Variants in DENND1A observed in about 807,000 individuals in gnomAD.
DENND1A encodes the protein DENN domain-containing protein 1A.
Under a neutral mutation model 113.7 loss-of-function variants are expected in DENND1A, and 51 were observed. That is an observed-to-expected ratio of 0.45 (90% CI 0.36 to 0.57). DENND1A has a LOEUF of 0.57. Ranked by LOEUF, DENND1A falls within the 20% of genes least tolerant of loss-of-function variation. The pLI is 0.00. For synonymous variants in DENND1A, 565 were observed against 570.8 expected, an observed-to-expected ratio of 0.99 and a Z score of 0.14; for missense variants, 1,258 against 1,395.9, an observed-to-expected ratio of 0.90 and a Z score of 1.57.
rs2062686734 is a variant in DENND1A at position 123,652,002 on chromosome 9, T to C, written c.618+11A>G. 5 of 1,611,418 alleles carry C rather than the reference T, an allele frequency of 3.1e-6. No homozygotes were observed. The African/African-American group carries it at 4.0e-5, about 13-fold the overall frequency. On this transcript the variant is annotated intron_variant, in intron 9 of 23. Coordinates refer to ENST00000394215, the MANE Select transcript of DENND1A (RefSeq NM_001352964.2). ...ATCATTAAAAAGCCAGTCTTAAGAC[T>C]GTCTACTCACAGTGCTGAGTTTGCT...
At chr9:123,823,567 A>T (rs915186460) in intron 2 of DENND1A, among the ~76,000 whole-genome samples, 1 of 152,206 alleles carries the variant, frequency 6.6e-6, no homozygotes, top group African/African-American at 2.4e-5. Context: ...GCCCCTGAGA[A>T]GCTTTAAGCA....
chr9:123,400,134 G>T (rs748121770), intron 21 of DENND1A: 1 of 152,216 alleles, frequency 6.6e-6, no homozygotes, highest in Non-Finnish European at 1.5e-5. Flanking sequence ...TATTAACCAA[G>T]TAATGTTACC....
rs986149309 is a variant in DENND1A, at chr9:123,380,795, A to C, written c.*637T>G. ...GCTGTGTATCACAAGGCAGCCCAAG[A>C]CCCCCTGGTCCCCAGATCCTCCCAG... On this transcript the variant is annotated 3_prime_UTR_variant, in exon 24 of 24. Transcript: ENST00000394215. The C allele has an allele frequency of 2.0e-5, 3 of 152,568 alleles. No homozygotes were observed. Among genetic ancestry groups the C allele is most frequent in the Non-Finnish European group, 4.4e-5 (3 of 68,160 alleles). 9.5% of individuals were successfully genotyped at this position (152,568 alleles called of 1,614,324 possible).
intron 13 of DENND1A, among the ~76,000 whole-genome samples, chr9:123,494,606 T>C (rs1168983511): frequency 2.0e-5 from 3 of 152,130 alleles, no homozygotes; most frequent in Non-Finnish European, 2.9e-5. Context: ...CTCAGATGGA[T>C]CTTTAAGCCA....
intron 2 of DENND1A, among the ~76,000 whole-genome samples, chr9:123,839,441 A>T (rs1484864680): frequency 1.3e-5 from 2 of 152,214 alleles, no homozygotes; most frequent in East Asian, 3.8e-4. Flanking sequence ...GGATTCAATT[A>T]AACACATTTA....
At chr9:123,424,606 G>A (rs1373447745) in intron 19 of DENND1A, among the ~76,000 whole-genome samples, 2 of 152,160 alleles carry the variant, frequency 1.3e-5, no homozygotes. Context: ...ACCCTCGTTG[G>A]CTCCTAGGCA....
intron 19 of DENND1A, among the ~76,000 whole-genome samples, chr9:123,421,192 TC>T (rs1339078225): frequency 1.3e-5 from 2 of 150,898 alleles, no homozygotes; most frequent in Non-Finnish European, 3.0e-5. Context: ...GCTACTATTT[TC>T]TGACACTTGC....
At chr9:123,905,294 T>A (rs998726737) in intron 1 of DENND1A, among the ~76,000 whole-genome samples, 2 of 150,718 alleles carry the variant, frequency 1.3e-5, no homozygotes, top group African/African-American at 4.9e-5. Flanking sequence ...AGAAACTGCA[T>A]CAACTAATGA....
intron 1 of DENND1A, 41 bp downstream of exon 1, chr9:123,929,848 C>A: frequency 4.1e-6 from 1 of 243,162 alleles, no homozygotes; most frequent in South Asian, 1.2e-4. Flanking sequence ...GCCTCGCCGC[C>A]CCGCGCCCGG....
chr9:123,607,514 CACACACAG>C (rs60566309), intron 11 of DENND1A, among the ~76,000 whole-genome samples: 3,829 of 92,140 alleles, frequency 0.042, 68 homozygotes, highest in African/African-American at 0.072. Context: ...CACACACACA[CACACACAG>C]AGAGAGAGAG....
rs746390585 is a variant in DENND1A at position 123,381,484 on chromosome 9, GGGGCCA to G, written c.3155_3160del (p.Leu1052_Ala1053del). ...GAGCTGCTCCACCGAGTCTGGGGCC[GGGGCCA>G]GGGCCGGACTCGGGCTCACGTCTTG... On this transcript the variant is annotated inframe_deletion, in exon 24 of 24. Transcript: ENST00000394215. This position sits in a 1 kb window ranked among gnomAD's most constrained non-coding sequence, Gnocchi z 4.7. 1.5e-5 allele frequency: 25 copies of G among 1,613,520 alleles called. No homozygotes were observed. The Admixed American group carries it at 3.0e-4, about 19-fold the overall frequency.
intron 11 of DENND1A, among the ~76,000 whole-genome samples, chr9:123,602,078 A>G (rs529106035): frequency 6.6e-6 from 1 of 152,318 alleles, no homozygotes; most frequent in East Asian, 1.9e-4. Flanking sequence ...CTGGGTACAA[A>G]TTACAGTCGT....
At chr9:123,584,286 G>A (rs908784197) in intron 11 of DENND1A, among the ~76,000 whole-genome samples, 1 of 152,260 alleles carries the variant, frequency 6.6e-6, no homozygotes, top group African/African-American at 2.4e-5. Flanking sequence ...ACAGGCACAC[G>A]ATGGGACCTG....
chr9:123,494,558 C>T (rs1017764317), intron 13 of DENND1A, among the ~76,000 whole-genome samples: 1 of 152,180 alleles, frequency 6.6e-6, no homozygotes, highest in Non-Finnish European at 1.5e-5. Context: ...AGAACACACC[C>T]TTAAAAGTGC....
rs1407822339 is a variant in DENND1A at position 123,879,801 on chromosome 9, TAAAC to T, written c.18-784_18-781del. Among the ~76,000 whole-genome samples, 5 of 152,316 alleles carry T rather than the reference TAAAC, an allele frequency of 3.3e-5. No individual in the cohort carries two copies. The East Asian group carries it at 7.7e-4, about 24-fold the overall frequency. On this transcript the variant is annotated intron_variant, in intron 1 of 23. Transcript: ENST00000394215. ...TGCTTATGTACAGGTTTTCAAGACT[TAAAC>T]AAGAGGAACAGTGTATCTCACTAGA...
At chr9:123,823,714 T>C (rs1838866061) in intron 2 of DENND1A, among the ~76,000 whole-genome samples, 1 of 151,944 alleles carries the variant, frequency 6.6e-6, no homozygotes, top group South Asian at 2.1e-4. Flanking sequence ...GAGTGGGAAG[T>C]GGTGCAGGAC....
intron 5 of DENND1A, among the ~76,000 whole-genome samples, chr9:123,714,050 C>T (rs2066811816): frequency 6.6e-6 from 1 of 152,214 alleles, no homozygotes. Flanking sequence ...CAGTTAGAAG[C>T]ATGCTTGCCT....
intron 13 of DENND1A, among the ~76,000 whole-genome samples, chr9:123,475,871 GC>G (rs2049870338): frequency 1.3e-5 from 2 of 152,190 alleles, no homozygotes; most frequent in Non-Finnish European, 2.9e-5. Flanking sequence ...CTTCTTATAC[GC>G]CTCCTTCAGG....
intron 13 of DENND1A, among the ~76,000 whole-genome samples, chr9:123,469,616 T>G (rs762091566): frequency 6.6e-6 from 1 of 152,058 alleles, no homozygotes; most frequent in Non-Finnish European, 1.5e-5. Flanking sequence ...ACAATGAAGG[T>G]GGTATTCATG....
Sources: gnomAD v4.1 joint callset for allele counts (sites outside exome capture counted in the v4.1 genomes callset) on GRCh38, gnomAD v4.1.1 for gene constraint, Gnocchi (gnomAD v3.1) non-coding constraint, MANE v1.5 for transcripts, NCBI Gene and HGNC (gene_info 2026-07-23, HGNC 2026-07-21) for gene names.